The following ERN1 variants were observed in gnomAD, a reference collection of about 807,000 sequenced individuals.
ERN1 encodes serine/threonine-protein kinase/endoribonuclease IRE1.
Under a neutral mutation model 113.1 loss-of-function variants are expected in ERN1, and 39 were observed. The observed-to-expected ratio is 0.34, with a 90% CI of 0.27 to 0.45. The LOEUF (loss-of-function observed/expected upper bound fraction) is 0.45, where lower values mean the gene tolerates loss of function less well. ERN1 is among the 20% of genes least tolerant of loss of function. ERN1 has a pLI of 1.00. For missense variants in ERN1, 976 were observed against 1,274.8 expected (o/e 0.77, Z 3.57); for synonymous variants, 507 against 515.9 (o/e 0.98, Z 0.23).
intron 1 of ERN1, among the ~76,000 whole-genome samples, chr17:64,108,382 T>C (rs1428432105): frequency 1.3e-5 from 2 of 152,180 alleles, no homozygotes; most frequent in African/African-American, 4.8e-5. Flanking sequence ...TCAACTTACA[T>C]TGCCATCATT....
chr17:64,051,686 T>C (rs1011272731), intron 17 of ERN1, among the ~76,000 whole-genome samples: 3 of 152,180 alleles, frequency 2.0e-5, no homozygotes, highest in African/African-American at 7.2e-5. Context: ...GTGGAAAGAT[T>C]TGTAAATTCC....
chr17:64,097,183 T>C (rs368832869), intron 2 of ERN1, among the ~76,000 whole-genome samples: 1 of 152,242 alleles, frequency 6.6e-6, no homozygotes, highest in African/African-American at 2.4e-5. Context: ...GCAGGGCCCA[T>C]GCAGGTGGGG....
chr17:64,100,116 G>A (rs1441174316), intron 1 of ERN1, among the ~76,000 whole-genome samples: 1 of 152,152 alleles, frequency 6.6e-6, no homozygotes, highest in Non-Finnish European at 1.5e-5. Context: ...AATTATTTCA[G>A]CCCAGAGGGT....
At chr17:64,081,441 T>C (rs529290792) in intron 2 of ERN1, among the ~76,000 whole-genome samples, 155 of 152,350 alleles carry the variant, frequency 1.0e-3, no homozygotes, top group African/African-American at 3.7e-3. Context: ...ACAAATGACC[T>C]ACCCAATAAT....
chr17:64,091,954 C>T (rs542153605), intron 2 of ERN1, among the ~76,000 whole-genome samples: 3 of 152,216 alleles, frequency 2.0e-5, no homozygotes, highest in African/African-American at 7.2e-5. Flanking sequence ...GGTAACACAC[C>T]ACACACACTG....
At chr17:64,097,977 C>G in intron 2 of ERN1, 144 bp downstream of exon 2, 1 of 1,061,260 alleles carries the variant, frequency 9.4e-7, no homozygotes, top group African/African-American at 1.6e-5. Context: ...GAGCAGAATG[C>G]CTTTTCCTCT....
chr17:64,089,860 A>C (rs1484014545), intron 2 of ERN1, among the ~76,000 whole-genome samples: 2 of 152,226 alleles, frequency 1.3e-5, no homozygotes, highest in African/African-American at 4.8e-5. Flanking sequence ...AGTCTGAATG[A>C]GGTAAACAAC....
intron 1 of ERN1, among the ~76,000 whole-genome samples, chr17:64,104,523 A>T (rs183444343): frequency 2.6e-5 from 4 of 152,202 alleles, no homozygotes; most frequent in Admixed American, 6.5e-5. Flanking sequence ...TGACTACCTG[A>T]TAACAAGGGT....
Position 64,049,975 on chromosome 17 carries a change from T to C in ERN1, c.2254-773A>G, listed in dbSNP as rs1407594685. ...TCTAGTGTGAGGAAGCAGGGGCTCA[T>C]CACCTCCCATGCTGGAGGAGACACA... On this transcript the variant is annotated intron_variant, in intron 17 of 21. Transcript: ENST00000433197. This position sits in a 1 kb window ranked among gnomAD's most constrained non-coding sequence, Gnocchi z 4.7. 1.3e-5 allele frequency among the ~76,000 whole-genome samples: 2 copies of C among 152,130 alleles called. No individual in the cohort carries two copies. Among genetic ancestry groups the C allele is most frequent in the African/African-American group, 4.8e-5 (2 of 41,422 alleles).
chr17:64,043,946 C>G lies in ERN1; in HGVS notation c.*42G>C. 1 of 1,351,338 alleles carries G rather than the reference C, an allele frequency of 7.4e-7. No homozygotes were observed. The highest frequency in any genetic ancestry group is 1.0e-6 in the Non-Finnish European group (1 of 962,994). The allele number at this position is 1,351,338 out of a possible 1,614,324, so 83.7% of individuals were successfully genotyped here. A position where few individuals can be genotyped will look rare whatever the true frequency, so the allele number is the denominator to read the frequency against. On this transcript the variant is annotated 3_prime_UTR_variant, in exon 22 of 22. Coordinates refer to ENST00000433197, the MANE Select transcript of ERN1 (RefSeq NM_001433.5). ...GCTCTAATTGTGGTGACCAGGCCCT[C>G]AGTCACAGCTGGGGCCACCAGAACA...
chr17:64,123,114 CAT>C (rs764944639), intron 1 of ERN1, among the ~76,000 whole-genome samples: 1 of 152,022 alleles, frequency 6.6e-6, no homozygotes, highest in East Asian at 1.9e-4. Context: ...AAAACAGCCA[CAT>C]GTTTTAAGAA....
chr17:64,086,745 C>T, intron 2 of ERN1, among the ~76,000 whole-genome samples: 1 of 129,640 alleles, frequency 7.7e-6, no homozygotes, highest in Non-Finnish European at 1.6e-5. Context: ...CTCCTGAGTT[C>T]AAGTGACTCT....
chr17:64,076,766 AT>A (rs1913606175), intron 4 of ERN1, among the ~76,000 whole-genome samples: 1 of 152,006 alleles, frequency 6.6e-6, no homozygotes, highest in African/African-American at 2.4e-5. Flanking sequence ...CGCCTGGCTA[AT>A]TTTTTGTATT....
At chr17:64,101,774 A>G (rs952492791) in intron 1 of ERN1, among the ~76,000 whole-genome samples, 7 of 152,246 alleles carry the variant, frequency 4.6e-5, no homozygotes, top group African/African-American at 1.7e-4. Context: ...CTGTTATTAA[A>G]GCCTACAGTA....
In ERN1 at chr17:64,063,983, T is replaced by C. The variant is rs1443705361; in HGVS notation, c.1087+3A>G. 1 of 1,613,710 alleles carries C rather than the reference T, an allele frequency of 6.2e-7. No homozygotes were observed. The highest frequency in any genetic ancestry group is 1.3e-5 in the African/African-American group (1 of 75,046). On this transcript the variant is annotated splice_donor_region_variant and intron_variant, in intron 10 of 21. Coordinates refer to ENST00000433197, the MANE Select transcript of ERN1 (RefSeq NM_001433.5). The surrounding 1 kb of genome is among the most constrained non-coding windows in gnomAD (Gnocchi z 5.1). Reference sequence around the variant, plus strand: ...CAGGCTACTGTGGGAGACCTGCTCTTACCTATCAGAAGCCAGTAATTCCTC... The same window carrying C: ...CAGGCTACTGTGGGAGACCTGCTCTCACCTATCAGAAGCCAGTAATTCCTC...
At chr17:64,064,914 G>C (rs901967930) in intron 9 of ERN1, among the ~76,000 whole-genome samples, 2 of 152,180 alleles carry the variant, frequency 1.3e-5, no homozygotes, top group African/African-American at 4.8e-5. Context: ...ACAGGGTGGA[G>C]GAAGGGCATC....
chr17:64,077,973 T>G (rs929782800), intron 4 of ERN1, among the ~76,000 whole-genome samples: 2 of 152,166 alleles, frequency 1.3e-5, no homozygotes, highest in African/African-American at 4.8e-5. Context: ...GACCTCGTGA[T>G]CCGCCCACCT....
intron 1 of ERN1, 68 bp downstream of exon 1, chr17:64,129,908 C>T: frequency 7.7e-7 from 1 of 1,299,522 alleles, no homozygotes; most frequent in South Asian, 2.1e-5. Flanking sequence ...CCCGGCGCCG[C>T]GACGCTGCCC....
intron 12 of ERN1, among the ~76,000 whole-genome samples, chr17:64,057,530 G>A (rs1477870247): frequency 2.0e-5 from 3 of 152,052 alleles, no homozygotes; most frequent in Admixed American, 6.6e-5. Flanking sequence ...CACCATGCCC[G>A]GCTAATTTTT....
Sources: allele counts gnomAD v4.1 joint callset (sites outside exome capture counted in the v4.1 genomes callset), GRCh38; gene constraint gnomAD v4.1.1; non-coding constraint Gnocchi (gnomAD v3.1); transcripts MANE v1.5; gene names NCBI Gene and HGNC (gene_info 2026-07-23, HGNC 2026-07-21).